The following LOXL3 variants were observed in gnomAD, a reference collection of about 807,000 sequenced individuals.
LOXL3 encodes the protein lysyl oxidase homolog 3.
LOXL3 carries 60 observed loss-of-function variants against 91.8 expected under a neutral mutation model. The observed-to-expected ratio is 0.65, with a 90% CI of 0.53 to 0.81. The LOEUF is 0.81. Among genes scored for constraint, LOXL3 ranks in the 30% least tolerant of loss-of-function variants. LOXL3 has a pLI of 0.00. For missense variants in LOXL3, 874 were observed against 1,000.4 expected, an observed-to-expected ratio of 0.87 and a Z score of 1.70; for synonymous variants, 355 against 387.6, an observed-to-expected ratio of 0.92 and a Z score of 0.99.
upstream of LOXL3, chr2:74,555,288 C>T: frequency 1.2e-6 from 2 of 1,614,108 alleles, no homozygotes; most frequent in Non-Finnish European, 1.7e-6. This position sits in a 1 kb window ranked among gnomAD's most constrained non-coding sequence, Gnocchi z 6.1. Context: ...GCAAAGTGAT[C>T]CGTCTGGCTG....
At position 74,549,723 on chromosome 2, in the gene LOXL3, A is replaced by ACGATGGC; in HGVS notation, c.478-147_478-141dup. Reference sequence around the variant, plus strand: ...CCGAGGCGGCGCTGAGAGAGCGGCCACGATGGCCGCAGTCCGCGGTGTGGA... The same window carrying ACGATGGC: ...CCGAGGCGGCGCTGAGAGAGCGGCCACGATGGCCGATGGCCGCAGTCCGCGGTGTGGA... On this transcript the variant is annotated intron_variant, in intron 3 of 13. Transcript: ENST00000264094. The surrounding 1 kb of genome is among the most constrained non-coding windows in gnomAD (Gnocchi z 5.3). The ACGATGGC allele has an allele frequency of 6.9e-7, 1 of 1,444,266 alleles. No individual in the cohort carries two copies. Among genetic ancestry groups the ACGATGGC allele is most frequent in the Admixed American group, 2.8e-5 (1 of 35,708 alleles). 89.5% of individuals were successfully genotyped at this position (1,444,266 alleles called of 1,614,324 possible). A position where few individuals can be genotyped will look rare whatever the true frequency, so the allele number is the denominator to read the frequency against.
Position 74,552,362 on chromosome 2 carries a change from G to A in LOXL3, c.273C>T (p.Ala91=), listed in dbSNP as rs768517801. Residue 91 remains alanine, a synonymous_variant, in exon 2 of 14, where the codon GCC becomes GCT. Coordinates refer to ENST00000264094, the MANE Select transcript of LOXL3 (RefSeq NM_032603.5). ...ATTTGGCACTGTGGGTCCAGCCTGT[G>A]GCCTCTGTGAAGCCCAGCTCCCGGC... ...ILCRELGFTE[A]TGWTHSAKYG... The A allele has an allele frequency of 1.2e-6, 2 of 1,610,626 alleles. No homozygotes were observed. Among genetic ancestry groups the A allele is most frequent in the Non-Finnish European group, 1.7e-6 (2 of 1,177,122 alleles).
chr2:74,549,897 G>T lies in LOXL3; in HGVS notation c.477+288C>A. 1.0e-6 allele frequency: 1 copy of T among 985,478 alleles called. No individual in the cohort carries two copies. The highest frequency in any genetic ancestry group is 1.1e-4 in the East Asian group (1 of 8,816). 61.0% of individuals were successfully genotyped at this position (985,478 alleles called of 1,614,324 possible). On this transcript the variant is annotated intron_variant, in intron 3 of 13. Coordinates refer to ENST00000264094, the MANE Select transcript of LOXL3 (RefSeq NM_032603.5). The surrounding 1 kb of genome is among the most constrained non-coding windows in gnomAD (Gnocchi z 5.3). ...AGGAGGAGAAAGTCAGAAGGAAGAT[G>T]TCTCAGGAAAGCAGGAACATTTGAG... is the stretch of plus-strand genomic sequence containing the variant.
In LOXL3 at chr2:74,549,512, G is replaced by A. The variant is rs1344921393; in HGVS notation, c.549C>T (p.Pro183=). The change falls in exon 4 of 14, where the codon CCC becomes CCT. Residue 183 remains proline (P), a synonymous_variant. Transcript: ENST00000264094. This position sits in a 1 kb window ranked among gnomAD's most constrained non-coding sequence, Gnocchi z 5.3. ...PAVGWGRRPL[P]VTEGLVEVRL... ...TGACTTCCACCAGCCCCTCCGTCAC[G>A]GGCAGGGGTCGTCTGCCCCACCCAA... is the stretch of plus-strand genomic sequence containing the variant. 3.7e-6 allele frequency: 6 copies of A among 1,613,478 alleles called. No individual in the cohort carries two copies. In the African/African-American group the frequency reaches 4.0e-5, roughly 11 times the overall value.
chr2:74,538,195 A>C (rs145854211), intron 4 of LOXL3, among the ~76,000 whole-genome samples: 10 of 152,312 alleles, frequency 6.6e-5, no homozygotes, highest in Non-Finnish European at 1.0e-4. Context: ...TCTTCTAAAC[A>C]TCCTCATTCC....
At chr2:74,537,606 G>A (rs75913399) in intron 4 of LOXL3, among the ~76,000 whole-genome samples, 2,491 of 152,326 alleles carry the variant, frequency 0.016, 76 homozygotes, top group African/African-American at 0.057. Flanking sequence ...GGAGATGGAT[G>A]TGAACAACAA....
intron 4 of LOXL3, among the ~76,000 whole-genome samples, chr2:74,547,198 C>A (rs1030981321): frequency 6.6e-6 from 1 of 151,672 alleles, no homozygotes; most frequent in African/African-American, 2.4e-5. Context: ...AAAAAATTAT[C>A]TGTAGAGACA....
chr2:74,551,573 C>A (rs1409679471), intron 2 of LOXL3, among the ~76,000 whole-genome samples: 1 of 152,264 alleles, frequency 6.6e-6, no homozygotes, highest in Non-Finnish European at 1.5e-5. Context: ...TTCAGCAATT[C>A]CTCCTTGAAA....
At chr2:74,539,069 C>G (rs764983579) in intron 4 of LOXL3, among the ~76,000 whole-genome samples, 5 of 152,204 alleles carry the variant, frequency 3.3e-5, no homozygotes, top group Non-Finnish European at 7.3e-5. Flanking sequence ...AGCCGAGTAA[C>G]TCCATGCTCC....
Position 74,533,147 on chromosome 2 carries a change from T to C in LOXL3, c.*459A>G. 1 of 637,394 alleles carries C rather than the reference T, an allele frequency of 1.6e-6. No homozygotes were observed. The highest frequency in any genetic ancestry group is 2.7e-6 in the Non-Finnish European group (1 of 365,692). The allele number at this position is 637,394 out of a possible 1,614,324, so 39.5% of individuals were successfully genotyped here. On this transcript the variant is annotated 3_prime_UTR_variant, in exon 14 of 14. Transcript: ENST00000264094. The stretch of plus-strand genomic sequence containing the variant: ...GCTCTGAAGAATCACAGAAACACTT[T>C]TTATATAAAATAAAATTATACCTAG...
chr2:74,554,456 G>C (rs1677247394), upstream of LOXL3: 1 of 487,064 alleles, frequency 2.1e-6, no homozygotes. This position sits in a 1 kb window ranked among gnomAD's most constrained non-coding sequence, Gnocchi z 4.9. Flanking sequence ...GGCATATGAC[G>C]TCACGCGCAG....
chr2:74,543,104 C>T (rs1272545757), intron 4 of LOXL3, among the ~76,000 whole-genome samples: 1 of 152,164 alleles, frequency 6.6e-6, no homozygotes, highest in Non-Finnish European at 1.5e-5. Flanking sequence ...GGTTTTATTC[C>T]TAATTCTGCT....
intron 4 of LOXL3, among the ~76,000 whole-genome samples, chr2:74,547,147 A>G (rs1676641236): frequency 6.6e-6 from 1 of 152,112 alleles, no homozygotes; most frequent in Non-Finnish European, 1.5e-5. Flanking sequence ...AGTAGCTGGG[A>G]CTACAGGCAC....
chr2:74,549,738 C>T lies in LOXL3; in HGVS notation c.478-155G>A. The T allele has an allele frequency of 6.9e-7, 1 of 1,441,442 alleles. No homozygotes were observed. Among genetic ancestry groups the T allele is most frequent in the Non-Finnish European group, 9.1e-7 (1 of 1,096,306 alleles). 89.3% of individuals were successfully genotyped at this position (1,441,442 alleles called of 1,614,324 possible). ...GAGAGCGGCCACGATGGCCGCAGTC[C>T]GCGGTGTGGACTCTCTTGCAGCCAG... On this transcript the variant is annotated intron_variant, in intron 3 of 13. Transcript: ENST00000264094. The surrounding 1 kb of genome is among the most constrained non-coding windows in gnomAD (Gnocchi z 5.3).
chr2:74,533,834 T>C (rs776294944), intron 13 of LOXL3, 48 bp downstream of exon 13: 1 of 1,519,290 alleles, frequency 6.6e-7, no homozygotes, highest in Non-Finnish European at 9.1e-7. Flanking sequence ...ATGAACGTCT[T>C]TCCCTCCCAT....
rs1676064798 is a variant in LOXL3 at position 74,536,934 on chromosome 2, G to A, written c.693-6C>T. ...GCTGCCGTTGGGCTAGCAGCCTAGG[G>A]GGACAGGAGTGAGGTGCAGTAGGGT... is the stretch of plus-strand genomic sequence containing the variant. On this transcript the variant is annotated splice_region_variant and splice_polypyrimidine_tract_variant and intron_variant, in intron 4 of 13. Coordinates refer to ENST00000264094, the MANE Select transcript of LOXL3 (RefSeq NM_032603.5). This position sits in a 1 kb window ranked among gnomAD's most constrained non-coding sequence, Gnocchi z 4.5. 6.2e-7 allele frequency: 1 copy of A among 1,613,506 alleles called. No individual in the cohort carries two copies. The highest frequency in any genetic ancestry group is 8.5e-7 in the Non-Finnish European group (1 of 1,179,664).
Position 74,534,390 on chromosome 2 carries a change from A to G in LOXL3, c.1865T>C (p.Leu622Pro), listed in dbSNP as rs753380842. ...SMDIFTHYDI[L>P]TPNGTKVAEG... ...AGCCACCTTGGTGCCATTTGGGGTG[A>G]GGATATCATAGTGAGTGAAGATGTC... is the stretch of plus-strand genomic sequence containing the variant. Residue 622 changes from leucine to proline, a missense_variant, in exon 11 of 14, where the codon CTC becomes CCC. Transcript: ENST00000264094. 5.0e-6 allele frequency: 8 copies of G among 1,614,120 alleles called. No individual in the cohort carries two copies. The highest frequency in any genetic ancestry group is 1.7e-5 in the Admixed American group (1 of 60,018).
At chr2:74,554,104 C>G (rs151276951), upstream of LOXL3, 4 of 153,108 alleles carry the variant, frequency 2.6e-5, no homozygotes, top group Non-Finnish European at 5.8e-5. This position sits in a 1 kb window ranked among gnomAD's most constrained non-coding sequence, Gnocchi z 4.9. Flanking sequence ...CCTCCCTCCC[C>G]GTGGAGCTGG....
At chr2:74,555,696 ATGGAG>A (rs1238653628), upstream of LOXL3, 1 of 1,613,122 alleles carries the variant, frequency 6.2e-7, no homozygotes, top group African/African-American at 1.3e-5. This position sits in a 1 kb window ranked among gnomAD's most constrained non-coding sequence, Gnocchi z 6.1. Flanking sequence ...CCGGGCAGGG[ATGGAG>A]TGAAGAGGAG....
Sources: allele counts gnomAD v4.1 joint callset (sites outside exome capture counted in the v4.1 genomes callset), GRCh38; gene constraint gnomAD v4.1.1; non-coding constraint Gnocchi (gnomAD v3.1); transcripts MANE v1.5; gene names NCBI Gene and HGNC (gene_info 2026-07-23, HGNC 2026-07-21).